The following TMEFF2 variants were observed in gnomAD, a reference collection of about 807,000 sequenced individuals.
TMEFF2 encodes the protein transmembrane protein with EGF like and two follistatin like domains 2, also known as tomoregulin-2.
A neutral mutation model predicts 53.8 loss-of-function variants in TMEFF2; 28 were observed. The ratio of observed to expected loss-of-function variants is 0.52; its 90% CI spans 0.39 to 0.71. The LOEUF is 0.71. Ranked by LOEUF, TMEFF2 falls within the 30% of genes least tolerant of loss-of-function variation. The pLI is 0.00. For missense variants in TMEFF2, 353 were observed against 455.2 expected (o/e 0.78, Z 2.04); for synonymous variants, 162 against 166.3 (o/e 0.97, Z 0.20).
chr2:191,999,226 T>A lies in TMEFF2; in HGVS notation c.537-18A>T. The A allele has an allele frequency of 1.3e-6, 2 of 1,559,612 alleles. No individual in the cohort carries two copies. Among genetic ancestry groups the A allele is most frequent in the Non-Finnish European group, 1.7e-6 (2 of 1,144,116 alleles). On this transcript the variant is annotated intron_variant, in intron 5 of 9. Transcript: ENST00000272771. ...ACACACACCTAAAAAAAGAGAGAAA[T>A]AAAAACATGTAACATCAATAGTGTT...
intron 4 of TMEFF2, among the ~76,000 whole-genome samples, chr2:192,122,525 A>G (rs1390911772): frequency 6.6e-6 from 1 of 152,154 alleles, no homozygotes; most frequent in Non-Finnish European, 1.5e-5. Flanking sequence ...AAAGAACAAT[A>G]TGATTTTTAA....
At chr2:192,010,647 C>G (rs1686605538) in intron 5 of TMEFF2, among the ~76,000 whole-genome samples, 1 of 152,058 alleles carries the variant, frequency 6.6e-6, no homozygotes, top group Non-Finnish European at 1.5e-5. Flanking sequence ...ACATCAGAGA[C>G]AAAGATGATG....
intron 7 of TMEFF2, among the ~76,000 whole-genome samples, chr2:191,964,021 G>T (rs1692343000): frequency 1.3e-5 from 2 of 152,096 alleles, no homozygotes; most frequent in African/African-American, 4.8e-5. Flanking sequence ...AAACAGAATT[G>T]CTGTCGAAGT....
At chr2:192,071,547 A>C (rs183899441) in intron 4 of TMEFF2, among the ~76,000 whole-genome samples, 3 of 151,998 alleles carry the variant, frequency 2.0e-5, no homozygotes, top group Admixed American at 2.0e-4. Context: ...ACCCTAAAAA[A>C]GAGTACCGTC....
chr2:192,150,855 G>A (rs992807288), intron 4 of TMEFF2, among the ~76,000 whole-genome samples: 1 of 151,548 alleles, frequency 6.6e-6, no homozygotes, highest in Non-Finnish European at 1.5e-5. Flanking sequence ...CTCTGTGGTT[G>A]GAGATGAGGT....
chr2:192,099,764 A>G (rs1052346177), intron 4 of TMEFF2, among the ~76,000 whole-genome samples: 2 of 151,726 alleles, frequency 1.3e-5, no homozygotes, highest in African/African-American at 4.9e-5. Context: ...CCCACAATAC[A>G]TAATAATGAT....
At chr2:192,069,629 C>T (rs902422738) in intron 4 of TMEFF2, among the ~76,000 whole-genome samples, 5 of 151,670 alleles carry the variant, frequency 3.3e-5, no homozygotes, top group Non-Finnish European at 5.9e-5. Context: ...AAACCATTAG[C>T]TCAGTCTGAA....
At position 192,194,314 on chromosome 2, in the gene TMEFF2, G is replaced by A. The variant is rs1691548646; in HGVS notation, c.172+39C>T. 2.5e-6 allele frequency: 4 copies of A among 1,608,956 alleles called. No individual in the cohort carries two copies. The highest frequency in any genetic ancestry group is 3.4e-6 in the Non-Finnish European group (4 of 1,176,506). On this transcript the variant is annotated intron_variant, in intron 1 of 9. Coordinates refer to ENST00000272771, the MANE Select transcript of TMEFF2 (RefSeq NM_016192.4). The surrounding 1 kb of genome is among the most constrained non-coding windows in gnomAD (Gnocchi z 4.2). The stretch of plus-strand genomic sequence containing the variant: ...CTGTGCTGGATACGCGTGTTCTTCT[G>A]CGGAGTTAAAGGGTCGGGGACGGGG...
chr2:192,176,343 G>C (rs1341266795), intron 4 of TMEFF2, among the ~76,000 whole-genome samples: 1 of 151,206 alleles, frequency 6.6e-6, no homozygotes, highest in Non-Finnish European at 1.5e-5. Context: ...CGAAAACAGA[G>C]TTCCATAAAT....
chr2:191,990,935 G>A (rs918718288), intron 7 of TMEFF2, among the ~76,000 whole-genome samples: 1 of 151,882 alleles, frequency 6.6e-6, no homozygotes, highest in Non-Finnish European at 1.5e-5. Flanking sequence ...ATAAGTGATT[G>A]ACTTTGAAGG....
At chr2:192,102,863 TCCTGG>T (rs1323201967) in intron 4 of TMEFF2, among the ~76,000 whole-genome samples, 2 of 151,952 alleles carry the variant, frequency 1.3e-5, no homozygotes, top group Admixed American at 1.3e-4. Flanking sequence ...GAGCCACCAC[TCCTGG>T]CCTCAATAAT....
At chr2:192,042,757 G>A (rs536448388) in intron 5 of TMEFF2, among the ~76,000 whole-genome samples, 4 of 152,132 alleles carry the variant, frequency 2.6e-5, no homozygotes, top group African/African-American at 4.8e-5. Context: ...CACAGTGAGC[G>A]AATTAGAAAT....
chr2:191,968,119 C>T (rs1692520552), intron 7 of TMEFF2, among the ~76,000 whole-genome samples: 1 of 152,130 alleles, frequency 6.6e-6, no homozygotes, highest in South Asian at 2.1e-4. Context: ...GAATTGACAA[C>T]AAGAACACCC....
intron 2 of TMEFF2, among the ~76,000 whole-genome samples, chr2:192,189,489 G>C (rs896188807): frequency 6.8e-5 from 9 of 133,192 alleles, no homozygotes; most frequent in South Asian, 2.5e-4. Context: ...AGGTTGCAGT[G>C]AGCCAAGAGG....
chr2:192,145,411 A>G (rs988831457), intron 4 of TMEFF2, among the ~76,000 whole-genome samples: 2 of 152,000 alleles, frequency 1.3e-5, no homozygotes, highest in African/African-American at 4.8e-5. Flanking sequence ...ATGGTAACAC[A>G]GAGTACCCAT....
intron 7 of TMEFF2, among the ~76,000 whole-genome samples, chr2:191,990,447 C>T (rs976875448): frequency 1.9e-3 from 21 of 11,222 alleles, no homozygotes; most frequent in Non-Finnish European, 2.8e-3. Context: ...TGTTTTTGTT[C>T]GAAATGGCTT....
At chr2:192,192,595 G>C (rs1281428209) in intron 1 of TMEFF2, among the ~76,000 whole-genome samples, 3 of 152,142 alleles carry the variant, frequency 2.0e-5, no homozygotes, top group Non-Finnish European at 2.9e-5. Flanking sequence ...CCAAGTTCTT[G>C]ACAACCTATC....
Position 191,961,551 on chromosome 2 carries a change from C to T in TMEFF2, c.746-5173G>A, listed in dbSNP as rs577515333. ...GCCATTTCTCCAAAGCAAAATGAAA[C>T]TACTTTTATTTAACTAGAAAAGGAA... On this transcript the variant is annotated intron_variant, in intron 7 of 9. Coordinates refer to ENST00000272771, the MANE Select transcript of TMEFF2 (RefSeq NM_016192.4). 4.6e-5 allele frequency among the ~76,000 whole-genome samples: 7 copies of T among 152,190 alleles called. No homozygotes were observed. The East Asian group carries it at 1.4e-3, about 29-fold the overall frequency.
intron 5 of TMEFF2, chr2:192,029,283 T>G (rs1017800163): frequency 7.2e-5 from 11 of 152,074 alleles, no homozygotes; most frequent in African/African-American, 2.7e-4. Context: ...TTCCCCCTGC[T>G]GAGCCTTGAG....
Sources: gnomAD v4.1 joint callset for allele counts (sites outside exome capture counted in the v4.1 genomes callset) on GRCh38, gnomAD v4.1.1 for gene constraint, Gnocchi (gnomAD v3.1) non-coding constraint, MANE v1.5 for transcripts, NCBI Gene and HGNC (gene_info 2026-07-23, HGNC 2026-07-21) for gene names.